CPPED1: variants seen among roughly 807,000 people sequenced by gnomAD.
CPPED1 encodes the protein calcineurin like phosphoesterase domain containing 1.
CPPED1 carries 28 observed loss-of-function variants against 28.0 expected under a neutral mutation model. That is an observed-to-expected ratio of 1.00 (90% CI 0.74 to 1.37). The LOEUF is 1.37. Ranked by LOEUF, CPPED1 falls within the 40% of genes most tolerant of loss-of-function variation. The pLI is 0.00. For missense variants in CPPED1, 504 were observed against 416.5 expected, an observed-to-expected ratio of 1.21 and a Z score of -1.83; for synonymous variants, 198 against 180.2, an observed-to-expected ratio of 1.10 and a Z score of -0.79.
intron 3 of CPPED1, among the ~76,000 whole-genome samples, chr16:12,686,241 A>ATATATATATTTTT (rs35644844): frequency 9.4e-6 from 1 of 106,898 alleles, no homozygotes; most frequent in African/African-American, 4.1e-5. Flanking sequence ...ATATATATAT[A>ATATATATATTTTT]TTTTTTTTTT....
intron 2 of CPPED1, among the ~76,000 whole-genome samples, chr16:12,766,858 CTCTGATCAGACTGCCATA>C (rs777614798): frequency 2.0e-5 from 3 of 152,162 alleles, no homozygotes; most frequent in Non-Finnish European, 4.4e-5. Context: ...GGTCTGGTGT[CTCTGATCAGACTGCCATA>C]GCCGATTTGC....
intron 3 of CPPED1, among the ~76,000 whole-genome samples, chr16:12,683,397 T>C (rs747353135): frequency 6.6e-6 from 1 of 152,042 alleles, no homozygotes; most frequent in Non-Finnish European, 1.5e-5. Context: ...CCTTCTCTCG[T>C]CCCTTTCCCT....
At chr16:12,693,512 A>C (rs1425440595) in intron 3 of CPPED1, among the ~76,000 whole-genome samples, 1 of 151,386 alleles carries the variant, frequency 6.6e-6, no homozygotes, top group Non-Finnish European at 1.5e-5. Flanking sequence ...TTTTTTTTTT[A>C]CTTTCAACTC....
rs183574286 is a variant in CPPED1 at position 12,710,350 on chromosome 16, T to C, written c.290-5301A>G. Among the ~76,000 whole-genome samples, 9 of 152,032 alleles carry C rather than the reference T, an allele frequency of 5.9e-5. No homozygotes were observed. The East Asian group carries it at 1.7e-3, about 29-fold the overall frequency. On this transcript the variant is annotated intron_variant, in intron 2 of 3. Coordinates refer to ENST00000381774, the MANE Select transcript of CPPED1 (RefSeq NM_018340.3). ...CCAGACATCTGAGCAACTGGGAGGC[T>C]GGTCATGTTGTTTACTGTCAGGGAA... is the stretch of plus-strand genomic sequence containing the variant.
At chr16:12,691,613 G>C (rs928470602) in intron 3 of CPPED1, among the ~76,000 whole-genome samples, 2 of 152,014 alleles carry the variant, frequency 1.3e-5, no homozygotes, top group Admixed American at 1.3e-4. Context: ...CACATATACA[G>C]CATGGAATAC....
intron 2 of CPPED1, among the ~76,000 whole-genome samples, chr16:12,769,435 A>G (rs1349363280): frequency 2.0e-5 from 3 of 152,146 alleles, no homozygotes; most frequent in Non-Finnish European, 2.9e-5. Flanking sequence ...GAGACTTGGA[A>G]TAAAGGACTG....
At chr16:12,710,198 G>A (rs1216013057) in intron 2 of CPPED1, among the ~76,000 whole-genome samples, 1 of 152,098 alleles carries the variant, frequency 6.6e-6, no homozygotes, top group East Asian at 1.9e-4. Context: ...AAAATCAACA[G>A]TATTTCTACA....
At chr16:12,674,639 G>C (rs2079869122) in intron 3 of CPPED1, among the ~76,000 whole-genome samples, 1 of 152,064 alleles carries the variant, frequency 6.6e-6, no homozygotes, top group African/African-American at 2.4e-5. Context: ...ATGCACCTCT[G>C]TCCTAGGGAC....
intron 2 of CPPED1, among the ~76,000 whole-genome samples, chr16:12,706,902 T>C (rs2080054413): frequency 1.3e-5 from 2 of 152,112 alleles, no homozygotes; most frequent in South Asian, 4.1e-4. Context: ...GCCTGAAGCC[T>C]AGTGGAGGGA....
intron 2 of CPPED1, among the ~76,000 whole-genome samples, chr16:12,759,693 G>T (rs558803976): frequency 6.6e-6 from 1 of 152,178 alleles, no homozygotes; most frequent in African/African-American, 2.4e-5. Flanking sequence ...ATGACAGTGC[G>T]TGAGTTCTCA....
At chr16:12,772,574 T>C (rs35743288) in intron 2 of CPPED1, among the ~76,000 whole-genome samples, 33,432 of 152,182 alleles carry the variant, frequency 0.22, 4,180 homozygotes, top group East Asian at 0.29. Flanking sequence ...CATTTTCATA[T>C]TGAGTCTCTT....
rs144228561 is a variant in CPPED1, at chr16:12,690,846, C to A, written c.715+13778G>T. 3.7e-3 allele frequency among the ~76,000 whole-genome samples: 559 copies of A among 152,326 alleles called. 7 individuals carry two copies. Among genetic ancestry groups the A allele is most frequent in the African/African-American group, 0.012 (509 of 41,578 alleles). Reference sequence around the variant, plus strand: ...ACCAAGTAGGCTCCACGGACCCTCACTTGGCAGATCCCTTTGGATATCCCA... The same window carrying A: ...ACCAAGTAGGCTCCACGGACCCTCAATTGGCAGATCCCTTTGGATATCCCA... On this transcript the variant is annotated intron_variant, in intron 3 of 3. Coordinates refer to ENST00000381774, the MANE Select transcript of CPPED1 (RefSeq NM_018340.3).
At chr16:12,676,574 A>G (rs1717590556) in intron 3 of CPPED1, among the ~76,000 whole-genome samples, 1 of 152,148 alleles carries the variant, frequency 6.6e-6, no homozygotes, top group Admixed American at 6.5e-5. Flanking sequence ...GATAAGGCCA[A>G]TTCAGAAGCA....
intron 1 of CPPED1, 48 bp downstream of exon 1, chr16:12,803,659 G>T: frequency 7.1e-7 from 1 of 1,401,914 alleles, no homozygotes; most frequent in Non-Finnish European, 9.4e-7. Flanking sequence ...CCCGGCGGAA[G>T]GTTCCGCAGC....
At chr16:12,731,010 G>C (rs2080194233) in intron 2 of CPPED1, among the ~76,000 whole-genome samples, 1 of 152,086 alleles carries the variant, frequency 6.6e-6, no homozygotes, top group South Asian at 2.1e-4. Context: ...TTCTCACCCT[G>C]GCAGAAGATG....
At chr16:12,792,247 C>A (rs1405306389) in intron 1 of CPPED1, among the ~76,000 whole-genome samples, 1 of 152,186 alleles carries the variant, frequency 6.6e-6, no homozygotes, top group African/African-American at 2.4e-5. Flanking sequence ...ACCGCTATGC[C>A]TGGCCTCTTC....
At chr16:12,690,998 T>C (rs906849822) in intron 3 of CPPED1, among the ~76,000 whole-genome samples, 7 of 152,186 alleles carry the variant, frequency 4.6e-5, no homozygotes, top group Non-Finnish European at 1.0e-4. Flanking sequence ...CCGGCTCCTC[T>C]CTACTTGCCA....
chr16:12,729,999 C>T (rs575997305), intron 2 of CPPED1, among the ~76,000 whole-genome samples: 2 of 152,238 alleles, frequency 1.3e-5, no homozygotes, highest in Admixed American at 1.3e-4. Context: ...GGTTCTGGGA[C>T]TATAGACACA....
At chr16:12,763,725 A>G (rs1273380562) in intron 2 of CPPED1, among the ~76,000 whole-genome samples, 1 of 152,196 alleles carries the variant, frequency 6.6e-6, no homozygotes, top group Non-Finnish European at 1.5e-5. Context: ...GCCATCTGAC[A>G]TCACAGGCCA....
Sources: allele counts gnomAD v4.1 joint callset (sites outside exome capture counted in the v4.1 genomes callset), GRCh38; gene constraint gnomAD v4.1.1; transcripts MANE v1.5; gene names NCBI Gene and HGNC (gene_info 2026-07-23, HGNC 2026-07-21).